Variants in LPO observed in about 807,000 individuals in gnomAD.
LPO encodes the protein lactoperoxidase.
A neutral mutation model predicts 68.4 loss-of-function variants in LPO; 70 were observed. That is an observed-to-expected ratio of 1.02 (90% CI 0.84 to 1.25). The LOEUF (loss-of-function observed/expected upper bound fraction) is 1.25, where lower values mean the gene tolerates loss of function less well. LPO is among the 50% of genes most tolerant of loss of function. LPO has a pLI of 0.00. For missense variants in LPO, 873 were observed against 908.4 expected, an observed-to-expected ratio of 0.96 and a Z score of 0.50; for synonymous variants, 360 against 357.6, an observed-to-expected ratio of 1.01 and a Z score of -0.08.
Position 58,268,066 on chromosome 17 carries a change from CTTAG to C in LPO, c.*73_*76del. ...TCAAGCAAGTTCAATGACCTGGTCC[CTTAG>C]AGCTCCATATCCCAGTCCCAGCCCT... On this transcript the variant is annotated 3_prime_UTR_variant, in exon 13 of 13. Transcript: ENST00000262290. The C allele has an allele frequency of 6.8e-7, 1 of 1,462,226 alleles. No homozygotes were observed. Among genetic ancestry groups the C allele is most frequent in the Non-Finnish European group, 9.5e-7 (1 of 1,053,690 alleles). The allele number at this position is 1,462,226 out of a possible 1,614,324, so 90.6% of individuals were successfully genotyped here.
intron 3 of LPO, among the ~76,000 whole-genome samples, chr17:58,245,259 T>C (rs1386236550): frequency 1.3e-5 from 2 of 152,000 alleles, no homozygotes; most frequent in East Asian, 1.9e-4. Flanking sequence ...GGCTCCTCCT[T>C]CCCAGCTTGG....
intron 9 of LPO, among the ~76,000 whole-genome samples, chr17:58,259,332 C>T: frequency 6.6e-6 from 1 of 152,116 alleles, no homozygotes; most frequent in Non-Finnish European, 1.5e-5. Context: ...TGCTCCAGCA[C>T]CACTTATTGA....
chr17:58,250,671 T>G, intron 7 of LPO, 50 bp downstream of exon 7: 1 of 1,568,912 alleles, frequency 6.4e-7, no homozygotes, highest in Non-Finnish European at 8.8e-7. Flanking sequence ...CCCACCCTGA[T>G]GTAGCAGACA....
At chr17:58,261,950 A>G (rs761845856) in intron 9 of LPO, among the ~76,000 whole-genome samples, 2 of 152,188 alleles carry the variant, frequency 1.3e-5, no homozygotes, top group Admixed American at 6.5e-5. Context: ...TGGTCCCTTC[A>G]CCTTCCCCAC....
chr17:58,244,091 ACACACACACAC>A lies in LPO; in HGVS notation c.164+11_164+21del. The A allele has an allele frequency of 5.8e-6, 1 of 172,390 alleles. No individual in the cohort carries two copies. Among genetic ancestry groups the A allele is most frequent in the Non-Finnish European group, 9.2e-6 (1 of 108,256 alleles). 10.7% of individuals were successfully genotyped at this position (172,390 alleles called of 1,614,324 possible). ...TGGACTCCCGAACCAGGTACGTGAG[ACACACACACAC>A]ACACACACACACACACACACACACA... On this transcript the variant is annotated intron_variant, in intron 3 of 12. Coordinates refer to ENST00000262290, the MANE Select transcript of LPO (RefSeq NM_006151.3).
Position 58,266,158 on chromosome 17 carries a change from A to G in LPO, c.1525A>G (p.Ile509Val), listed in dbSNP as rs1256423038. 1.9e-6 allele frequency: 3 copies of G among 1,613,962 alleles called. No individual in the cohort carries two copies. In the Admixed American group the frequency reaches 5.0e-5, roughly 27 times the overall value. ...TTCTGGGTCTCCCTTGGCAGGTGGA[A>G]TTGATCCTCTGGTGCGGGGCCTGCT... The part of the protein sequence containing the change: ...NTWRMVKDGG[I>V]DPLVRGLLAK... The change falls in exon 11 of 13, where the codon ATT (isoleucine) becomes GTT (valine). Residue 509 changes from isoleucine to valine, a missense_variant. Transcript: ENST00000262290.
At position 58,249,664 on chromosome 17, in the gene LPO, G is replaced by A; in HGVS notation, c.542G>A (p.Gly181Glu). 6.3e-7 allele frequency: 1 copy of A among 1,585,782 alleles called. No homozygotes were observed. Among genetic ancestry groups the A allele is most frequent in the Non-Finnish European group, 8.5e-7 (1 of 1,172,366 alleles). ...TCCCTGCCCTTCGGCTGGACGCCGG[G>A]GAAGACGCGCAACGGCTTCCCTCTC... ...GLSLPFGWTP[G>E]KTRNGFPLPL... is the part of the protein sequence containing the mutation. Residue 181 changes from glycine (G) to glutamate (E), a missense_variant, in exon 6 of 13, where the codon GGG (glycine) becomes GAG (glutamate). Physicochemically the swap from Gly to Glu is moderately conservative, Grantham distance 98 (BLOSUM62 -2). Coordinates refer to ENST00000262290, the MANE Select transcript of LPO (RefSeq NM_006151.3).
Position 58,268,328 on chromosome 17 carries a change from T to C in LPO, c.*334T>C. 3.1e-6 allele frequency: 1 copy of C among 319,254 alleles called. No individual in the cohort carries two copies. Among genetic ancestry groups the C allele is most frequent in the East Asian group, 8.0e-5 (1 of 12,566 alleles). The allele number at this position is 319,254 out of a possible 1,614,324, so 19.8% of individuals were successfully genotyped here. A position where few individuals can be genotyped will look rare whatever the true frequency, so the allele number is the denominator to read the frequency against. On this transcript the variant is annotated 3_prime_UTR_variant, in exon 13 of 13. Coordinates refer to ENST00000262290, the MANE Select transcript of LPO (RefSeq NM_006151.3). ...CTTTCTTCCTGTCCTCTCACCTAGA[T>C]TGTAAGCTCCCTGGGCCAGGACTTC...
In LPO at chr17:58,254,854, C is replaced by T; in HGVS notation, c.1149C>T (p.His383=). ...ASEHILLATS[H]TLFLREHNRL... is the part of the protein sequence containing the mutation. ...AGCATATTCTGCTGGCCACATCCCA[C>T]ACCCTCTTTCTCCGCGAGCATAACC... Residue 383 remains histidine, a synonymous_variant, in exon 9 of 13, where the codon CAC becomes CAT. Coordinates refer to ENST00000262290, the MANE Select transcript of LPO (RefSeq NM_006151.3). The T allele has an allele frequency of 1.2e-6, 2 of 1,614,174 alleles. No individual in the cohort carries two copies. Among genetic ancestry groups the T allele is most frequent in the Admixed American group, 1.7e-5 (1 of 60,026 alleles).
Position 58,264,516 on chromosome 17 carries a change from G to A in LPO, c.1267-206G>A, listed in dbSNP as rs551542350. ...AGTAGAGCCTATGTTGAGACAAATC[G>A]TAAGAGATCAGCAGAAAAAAATGTC... On this transcript the variant is annotated intron_variant, in intron 9 of 12. Coordinates refer to ENST00000262290, the MANE Select transcript of LPO (RefSeq NM_006151.3). Among the ~76,000 whole-genome samples, 59 of 152,324 alleles carry A rather than the reference G, an allele frequency of 3.9e-4. 1 individual carries two copies. The highest frequency in any genetic ancestry group is 9.8e-4 in the Admixed American group (15 of 15,300).
intron 1 of LPO, 25 bp from the exon 2 acceptor site, chr17:58,242,953 A>G: frequency 6.2e-7 from 1 of 1,608,816 alleles, no homozygotes; most frequent in East Asian, 2.2e-5. Context: ...AGAGGCTCAC[A>G]GTGTGATCCT....
rs770512079 is a variant in LPO at position 58,250,595 on chromosome 17, C to T, written c.754C>T (p.Gln252Ter). ...AGCCCAGTGTGATGAGTACTGTATC[C>T]AGGGAGACAACTGCTTCCCCATCAT... is the stretch of plus-strand genomic sequence containing the variant. ...SKAQCDEYCIQGDNCFPIMFP... is the reference protein window; with the variant it reads ...SKAQCDEYCI Residue 252 changes from glutamine (Q) to a stop codon, truncating the protein, a stop_gained, in exon 7 of 13, where the codon CAG (glutamine) becomes TAG (stop). Coordinates refer to ENST00000262290, the MANE Select transcript of LPO (RefSeq NM_006151.3). LOFTEE classifies it high-confidence loss of function. The T allele has an allele frequency of 5.6e-6, 9 of 1,613,944 alleles. No individual in the cohort carries two copies. The highest frequency in any genetic ancestry group is 6.8e-6 in the Non-Finnish European group (8 of 1,180,016).
At position 58,267,935 on chromosome 17, in the gene LPO, G is replaced by A. The variant is rs761211333; in HGVS notation, c.2080G>A (p.Val694Met). ...GGCCAACAGCTACCCCTATGACTTC[G>A]TGGATTGCTCAGCCATCGACAAGCT... ...FWANSYPYDF[V>M]DCSAIDKLDL... Residue 694 changes from valine to methionine, a missense_variant, in exon 13 of 13, where the codon GTG (valine) becomes ATG (methionine). By Grantham distance (21) the Val-to-Met change is conservative. Coordinates refer to ENST00000262290, the MANE Select transcript of LPO (RefSeq NM_006151.3). 35 of 1,614,168 alleles carry A rather than the reference G, an allele frequency of 2.2e-5. 1 individual carries two copies. The highest frequency in any genetic ancestry group is 1.6e-4 in the African/African-American group (12 of 75,018).
Position 58,264,800 on chromosome 17 carries a change from A to G in LPO, c.1345A>G (p.Ser449Gly). 6.2e-7 allele frequency: 1 copy of G among 1,614,242 alleles called. No homozygotes were observed. Among genetic ancestry groups the G allele is most frequent in the Non-Finnish European group, 8.5e-7 (1 of 1,180,034 alleles). Residue 449 changes from serine to glycine, a missense_variant, in exon 10 of 13, where the codon AGT becomes GGT. By Grantham distance (56) the Ser-to-Gly change is moderately conservative. Coordinates refer to ENST00000262290, the MANE Select transcript of LPO (RefSeq NM_006151.3). ...GTGGATACCCCCATATCAAGGCTAC[A>G]GTGAATCTGTGGATCCCAGAATTTC... ...QKWIPPYQGY[S>G]ESVDPRISNV...
At chr17:58,255,210 G>A (rs934893019) in intron 9 of LPO, among the ~76,000 whole-genome samples, 2 of 152,290 alleles carry the variant, frequency 1.3e-5, no homozygotes, top group Middle Eastern at 3.4e-3. Context: ...TCACTTGTGC[G>A]TTGGTCCCTT....
Position 58,250,639 on chromosome 17 carries a change from G to T in LPO, c.780+18G>T. On this transcript the variant is annotated intron_variant, in intron 7 of 12. Transcript: ENST00000262290. ...CCATCATGGTACGGCCCTGCAGCTA[G>T]GCATCTCTGACTAGCCCCTTGCCCA... 6.2e-7 allele frequency: 1 copy of T among 1,611,866 alleles called. No homozygotes were observed. The highest frequency in any genetic ancestry group is 1.1e-5 in the South Asian group (1 of 90,968).
Position 58,254,942 on chromosome 17 carries a change from GC to G in LPO, c.1240del (p.Arg414GlyfsTer21). On this transcript the variant is annotated frameshift_variant, in exon 9 of 13. Transcript: ENST00000262290. LOFTEE classifies it high-confidence loss of function. ...GGATGGAGAGAAGCTCTACCAGGAA[GC>G]CCGGAAAATCCTGGGAGCCTTCGTG... ...QWDGEKLYQEARKILGAFVQI... is the reference protein window; with the variant it reads ...QWDGEKLYQEXRKILGAFVQI... The G allele has an allele frequency of 1.9e-6, 3 of 1,614,084 alleles. No individual in the cohort carries two copies. The Middle Eastern group carries it at 4.9e-4, about 266-fold the overall frequency.
At chr17:58,240,453 C>G (rs531611215) in intron 1 of LPO, among the ~76,000 whole-genome samples, 14 of 152,240 alleles carry the variant, frequency 9.2e-5, no homozygotes, top group Non-Finnish European at 1.9e-4. Flanking sequence ...CCCAGGCCCT[C>G]TTGCCCTGTG....
intron 9 of LPO, among the ~76,000 whole-genome samples, chr17:58,257,289 C>T (rs1487579834): frequency 6.6e-6 from 1 of 152,096 alleles, no homozygotes; most frequent in East Asian, 1.9e-4. Flanking sequence ...CCCACAGCCC[C>T]TCATTACCCT....
Sources: allele counts gnomAD v4.1 joint callset (sites outside exome capture counted in the v4.1 genomes callset), GRCh38; gene constraint gnomAD v4.1.1; transcripts MANE v1.5; gene names NCBI Gene and HGNC (gene_info 2026-07-23, HGNC 2026-07-21).